RASGRF2: variants seen among roughly 807,000 people sequenced by gnomAD.
RASGRF2 encodes the protein ras-specific guanine nucleotide-releasing factor 2.
Under a neutral mutation model 151.0 loss-of-function variants are expected in RASGRF2, and 76 were observed. The observed-to-expected ratio is 0.50, with a 90% CI of 0.42 to 0.61. RASGRF2 has a LOEUF of 0.61. Among genes scored for constraint, RASGRF2 ranks in the 20% least tolerant of loss-of-function variants. The probability of loss-of-function intolerance (pLI) is 0.00; values close to 1 mark genes in which losing one functional copy is unlikely to be tolerated. For synonymous variants in RASGRF2, 504 were observed against 566.5 expected (o/e 0.89, Z 1.57); for missense variants, 1,148 against 1,564.6 (o/e 0.73, Z 4.49).
Position 81,217,537 on chromosome 5 carries a change from G to C in RASGRF2, c.3552+64G>C, listed in dbSNP as rs552685018. 15 of 511,720 alleles carry C rather than the reference G, an allele frequency of 2.9e-5. No individual in the cohort carries two copies. In the East Asian group the frequency reaches 3.4e-4, roughly 12 times the overall value. 31.7% of individuals were successfully genotyped at this position (511,720 alleles called of 1,614,324 possible). On this transcript the variant is annotated intron_variant, in intron 25 of 26. Transcript: ENST00000265080. ...TAGAGGTTTATAGAGAAGAGGCTAA[G>C]TAATAAAAGTCAATGTCTGCTTTTT...
chr5:81,134,702 T>C (rs1460423193), intron 17 of RASGRF2, among the ~76,000 whole-genome samples: 1 of 152,188 alleles, frequency 6.6e-6, no homozygotes, highest in Non-Finnish European at 1.5e-5. Context: ...CCATATTACT[T>C]GTAGTAGACT....
intron 26 of RASGRF2, among the ~76,000 whole-genome samples, chr5:81,222,215 A>G (rs78521702): frequency 1.3e-5 from 2 of 152,286 alleles, no homozygotes; most frequent in African/African-American, 2.4e-5. Flanking sequence ...ATATATCTCT[A>G]TGTAACCATC....
At chr5:81,187,344 A>G (rs949511563) in intron 18 of RASGRF2, among the ~76,000 whole-genome samples, 1 of 152,226 alleles carries the variant, frequency 6.6e-6, no homozygotes, top group Non-Finnish European at 1.5e-5. Context: ...CCACGTGACT[A>G]ATGGTTACAG....
chr5:81,170,690 T>A (rs1449187954), intron 17 of RASGRF2, among the ~76,000 whole-genome samples: 1 of 152,218 alleles, frequency 6.6e-6, no homozygotes, highest in Non-Finnish European at 1.5e-5. Context: ...AATGTGCCCT[T>A]TCTCTCACAT....
Position 80,986,830 on chromosome 5 carries a change from A to C in RASGRF2, c.288+25804A>C, listed in dbSNP as rs116274731. 8.1e-3 allele frequency among the ~76,000 whole-genome samples: 1,226 copies of C among 152,188 alleles called. 15 individuals are homozygous for C. Among genetic ancestry groups the C allele is most frequent in the African/African-American group, 0.028 (1,170 of 41,528 alleles). Reference sequence around the variant, plus strand: ...ACATTGCCATGGCACCTGTTTCTCTAAATTGGTCAGATCATGTTATTTTCC... The same window carrying C: ...ACATTGCCATGGCACCTGTTTCTCTCAATTGGTCAGATCATGTTATTTTCC... On this transcript the variant is annotated intron_variant, in intron 1 of 26. Coordinates refer to ENST00000265080, the MANE Select transcript of RASGRF2 (RefSeq NM_006909.3).
intron 12 of RASGRF2, among the ~76,000 whole-genome samples, chr5:81,101,581 T>C (rs1042360512): frequency 5.3e-5 from 8 of 152,074 alleles, no homozygotes; most frequent in African/African-American, 1.9e-4. Context: ...TATAAATGTA[T>C]CATAATAAGA....
chr5:81,017,951 AC>A (rs202142394), intron 1 of RASGRF2, among the ~76,000 whole-genome samples: 4 of 151,832 alleles, frequency 2.6e-5, no homozygotes, highest in African/African-American at 9.7e-5. Flanking sequence ...TATAACAACA[AC>A]AAAAAAATTA....
rs1344963596 is a variant in RASGRF2, at chr5:81,085,965, T to C, written c.1271+54T>C. ...GGGAGAGGAAAGCAGCAAGTTAGTCTCTTGTGGAAACCTCCTGTATATGTT... is the reference window on the plus strand; with the variant it reads ...GGGAGAGGAAAGCAGCAAGTTAGTCCCTTGTGGAAACCTCCTGTATATGTT... On this transcript the variant is annotated intron_variant, in intron 8 of 26. Transcript: ENST00000265080. The C allele has an allele frequency of 4.3e-6, 7 of 1,611,054 alleles. No individual in the cohort carries two copies. In the African/African-American group the frequency reaches 9.4e-5, roughly 22 times the overall value.
chr5:81,094,934 T>C lies in RASGRF2; in HGVS notation c.1697T>C (p.Val566Ala). The change falls in exon 12 of 27, where the codon GTT becomes GCT. Residue 566 changes from valine (V) to alanine (A), a missense_variant. Physicochemically the swap from Val to Ala is moderately conservative, Grantham distance 64. This residue lies in a region of RASGRF2 where 646 missense variants were observed against 807.4 expected (regional missense o/e 0.80). Transcript: ENST00000265080. ...VEPPDAAAFT[V>A]VLLAPSRQEK... ...CCTCCTGACGCTGCCGCCTTCACTG[T>C]TGTCTTGTTAGCACCCTCACGCCAG... The C allele has an allele frequency of 1.2e-6, 2 of 1,603,580 alleles. No homozygotes were observed. The highest frequency in any genetic ancestry group is 1.7e-6 in the Non-Finnish European group (2 of 1,173,688).
At chr5:81,036,813 AC>A (rs1308825249) in intron 1 of RASGRF2, among the ~76,000 whole-genome samples, 1 of 151,962 alleles carries the variant, frequency 6.6e-6, no homozygotes, top group Non-Finnish European at 1.5e-5. Context: ...TAGTTTCCTG[AC>A]CCTCTGTATT....
chr5:81,197,312 C>T (rs576725199), intron 18 of RASGRF2, among the ~76,000 whole-genome samples: 5 of 150,730 alleles, frequency 3.3e-5, no homozygotes, highest in East Asian at 3.9e-4. Context: ...AAAAATTAGC[C>T]GGGCGCGGTG....
chr5:81,035,783 A>G (rs563890752), intron 1 of RASGRF2, among the ~76,000 whole-genome samples: 2 of 152,342 alleles, frequency 1.3e-5, no homozygotes, highest in South Asian at 2.1e-4. Context: ...GCATACAGAC[A>G]GTGGATTGAA....
At chr5:81,010,206 A>C (rs1182309644) in intron 1 of RASGRF2, among the ~76,000 whole-genome samples, 1 of 152,018 alleles carries the variant, frequency 6.6e-6, no homozygotes, top group Non-Finnish European at 1.5e-5. Context: ...ATCAAGATTT[A>C]ACAGTGGTTG....
At chr5:81,053,825 G>C (rs2112419579) in intron 2 of RASGRF2, among the ~76,000 whole-genome samples, 1 of 152,304 alleles carries the variant, frequency 6.6e-6, no homozygotes, top group Non-Finnish European at 1.5e-5. Flanking sequence ...ATTCTAACTG[G>C]TGTGAGATGG....
chr5:81,064,254 C>T (rs939992091), intron 2 of RASGRF2, among the ~76,000 whole-genome samples: 1 of 152,174 alleles, frequency 6.6e-6, no homozygotes. Flanking sequence ...CAGAGGCCTC[C>T]TACAGTGTCT....
At chr5:81,211,521 AT>A (rs1397236516) in intron 22 of RASGRF2, among the ~76,000 whole-genome samples, 1 of 152,234 alleles carries the variant, frequency 6.6e-6, no homozygotes, top group Admixed American at 6.5e-5. Flanking sequence ...CACGCTAAGG[AT>A]GCGCAGGCAC....
At chr5:81,170,192 TTATCACCTGCACCACCTG>T (rs1288504704) in intron 17 of RASGRF2, among the ~76,000 whole-genome samples, 16 of 150,524 alleles carry the variant, frequency 1.1e-4, no homozygotes, top group East Asian at 4.0e-4. Context: ...TGCACCACTG[TTATCACCTGCACCACCTG>T]TATCACCTGC....
intron 2 of RASGRF2, among the ~76,000 whole-genome samples, chr5:81,051,369 G>A (rs547145): frequency 0.15 from 22,488 of 152,068 alleles, 2,129 homozygotes; most frequent in Admixed American, 0.25. Context: ...TCATTTTAAA[G>A]TGTATAATTC....
At chr5:80,992,707 AT>A (rs1748694461) in intron 1 of RASGRF2, among the ~76,000 whole-genome samples, 1 of 152,216 alleles carries the variant, frequency 6.6e-6, no homozygotes, top group South Asian at 2.1e-4. Context: ...TTGAAAGTTC[AT>A]TCTGAATTTA....
Sources: allele counts gnomAD v4.1 joint callset (sites outside exome capture counted in the v4.1 genomes callset), GRCh38; gene constraint gnomAD v4.1.1; regional missense constraint gnomAD v4.1.1; transcripts MANE v1.5; gene names NCBI Gene and HGNC (gene_info 2026-07-23, HGNC 2026-07-21).